The following RAPGEF6 variants were observed in gnomAD, a reference collection of about 807,000 sequenced individuals.
RAPGEF6 encodes PDZ domain containing guanine nucleotide exchange factor (GEF) 2.
RAPGEF6 carries 56 observed loss-of-function variants against 171.4 expected under a neutral mutation model. That is an observed-to-expected ratio of 0.33 (90% CI 0.26 to 0.41). The LOEUF (loss-of-function observed/expected upper bound fraction) is 0.41. RAPGEF6 is among the 10% of genes least tolerant of loss of function. The probability of loss-of-function intolerance (pLI) is 1.00; values close to 1 mark genes in which losing one functional copy is unlikely to be tolerated. For missense variants in RAPGEF6, 1,674 were observed against 1,921.4 expected, an observed-to-expected ratio of 0.87 and a Z score of 2.41; for synonymous variants, 692 against 650.1, an observed-to-expected ratio of 1.06 and a Z score of -0.98.
rs1334116926 is a variant in RAPGEF6, at chr5:131,479,771, A to G, written c.1841-18T>C. The G allele has an allele frequency of 2.3e-5, 36 of 1,599,804 alleles. No individual in the cohort carries two copies. The highest frequency in any genetic ancestry group is 2.8e-5 in the Non-Finnish European group (33 of 1,173,726). On this transcript the variant is annotated intron_variant, in intron 15 of 27. Coordinates refer to ENST00000509018, the MANE Select transcript of RAPGEF6 (RefSeq NM_016340.6). ...TTTGAACACTGTGGAAATAAAACAAATGCGTCATTTTATTTCTTCTCTTCA... is the reference window on the plus strand; with the variant it reads ...TTTGAACACTGTGGAAATAAAACAAGTGCGTCATTTTATTTCTTCTCTTCA...
chr5:131,540,978 C>G (rs911391698), intron 6 of RAPGEF6, among the ~76,000 whole-genome samples: 6 of 152,118 alleles, frequency 3.9e-5, no homozygotes, highest in Non-Finnish European at 8.8e-5. Context: ...AAGACTCCGT[C>G]TCAAAAAAAA....
chr5:131,532,339 G>T, intron 6 of RAPGEF6: 1 of 226,584 alleles, frequency 4.4e-6, no homozygotes, highest in Non-Finnish European at 9.1e-6. Context: ...AAATTAAAAC[G>T]TTCACTTTAA....
chr5:131,551,089 T>A lies in RAPGEF6; in HGVS notation c.352-2899A>T, dbSNP rs576925547. On this transcript the variant is annotated intron_variant, in intron 5 of 27. Coordinates refer to ENST00000509018, the MANE Select transcript of RAPGEF6 (RefSeq NM_016340.6). ...CAAATATATTAGGTCCTTGGAATTA[T>A]GTATAAAGTCCTCAAAAGGTATACA... 3.3e-5 allele frequency among the ~76,000 whole-genome samples: 5 copies of A among 152,360 alleles called. No homozygotes were observed. The South Asian group carries it at 8.3e-4, about 25-fold the overall frequency.
intron 21 of RAPGEF6, chr5:131,450,036 A>C: frequency 6.5e-7 from 1 of 1,543,886 alleles, no homozygotes; most frequent in Non-Finnish European, 8.7e-7. Flanking sequence ...AGACTCCGCC[A>C]CCTCTTCTTC....
chr5:131,459,566 T>C (rs1462298747), intron 19 of RAPGEF6, among the ~76,000 whole-genome samples: 2 of 152,158 alleles, frequency 1.3e-5, no homozygotes, highest in Admixed American at 6.5e-5. Context: ...AATTTCTACA[T>C]GGCAAAAGTA....
intron 1 of RAPGEF6, among the ~76,000 whole-genome samples, chr5:131,608,982 G>A (rs549005544): frequency 1.3e-5 from 2 of 152,256 alleles, no homozygotes; most frequent in South Asian, 2.1e-4. Context: ...GTAGAGACAA[G>A]GTCTTGCTTT....
intron 20 of RAPGEF6, among the ~76,000 whole-genome samples, chr5:131,453,727 AAAGTCC>A (rs2149825032): frequency 6.6e-6 from 1 of 152,332 alleles, no homozygotes; most frequent in South Asian, 2.1e-4. Flanking sequence ...GAGGTCTGTC[AAAGTCC>A]AAGGCCCTGA....
At chr5:131,612,868 A>T (rs1420193034) in intron 1 of RAPGEF6, among the ~76,000 whole-genome samples, 4 of 152,220 alleles carry the variant, frequency 2.6e-5, no homozygotes, top group Admixed American at 1.3e-4. Context: ...AGAAAGAATT[A>T]GAAATTAACT....
intron 3 of RAPGEF6, among the ~76,000 whole-genome samples, chr5:131,596,156 A>T (rs558654830): frequency 1.6e-3 from 34 of 21,494 alleles, no homozygotes; most frequent in Middle Eastern, 0.031. Context: ...TCCATCATAT[A>T]AAAAAAAAAA....
chr5:131,588,067 C>T (rs1763365702), intron 4 of RAPGEF6, among the ~76,000 whole-genome samples: 1 of 151,340 alleles, frequency 6.6e-6, no homozygotes, highest in Non-Finnish European at 1.5e-5. Flanking sequence ...GGATGCTGTT[C>T]CCAGCTTGAC....
chr5:131,564,468 A>G (rs1761802394), intron 4 of RAPGEF6, among the ~76,000 whole-genome samples: 1 of 152,226 alleles, frequency 6.6e-6, no homozygotes, highest in Non-Finnish European at 1.5e-5. Flanking sequence ...TTGCGCAAAT[A>G]CATTTAAAAG....
chr5:131,446,654 C>G lies in RAPGEF6; in HGVS notation c.3250G>C (p.Gly1084Arg). Residue 1084 changes from glycine to arginine, a missense_variant, in exon 22 of 28, where the codon GGT becomes CGT. Physicochemically the swap from Gly to Arg is moderately radical, Grantham distance 125. Transcript: ENST00000509018. ...TNSNMLDVQG[G>R]AHKKRARRSS... The stretch of plus-strand genomic sequence containing the variant: ...CGGCGTGCCCTTTTTTTGTGAGCAC[C>G]TCCCTGAACATCCAGCATGTTTGAA... 1 of 1,614,180 alleles carries G rather than the reference C, an allele frequency of 6.2e-7. No individual in the cohort carries two copies. The highest frequency in any genetic ancestry group is 8.5e-7 in the Non-Finnish European group (1 of 1,179,982).
chr5:131,528,315 A>ATATG (rs1759098669), intron 6 of RAPGEF6, among the ~76,000 whole-genome samples: 1 of 5,936 alleles, frequency 1.7e-4, no homozygotes, highest in African/African-American at 3.5e-4. Context: ...TATTTATATT[A>ATATG]TATATATATA....
rs1017283869 is a variant in RAPGEF6, at chr5:131,426,894, A to T, written c.*372T>A. ...CAATTTCAATTTGTCCTTCAGCCCAAGCTATGGCTTGGAAATAATAATGCC... is the reference window on the plus strand; with the variant it reads ...CAATTTCAATTTGTCCTTCAGCCCATGCTATGGCTTGGAAATAATAATGCC... On this transcript the variant is annotated 3_prime_UTR_variant, in exon 28 of 28. Coordinates refer to ENST00000509018, the MANE Select transcript of RAPGEF6 (RefSeq NM_016340.6). 5.9e-5 allele frequency: 12 copies of T among 201,888 alleles called. No homozygotes were observed. The Admixed American group carries it at 7.3e-4, about 12-fold the overall frequency. 12.5% of individuals were successfully genotyped at this position (201,888 alleles called of 1,614,324 possible).
chr5:131,616,452 A>G (rs1355532675), intron 1 of RAPGEF6, among the ~76,000 whole-genome samples: 1 of 152,154 alleles, frequency 6.6e-6, no homozygotes, highest in Non-Finnish European at 1.5e-5. Flanking sequence ...ATGCCAAGCA[A>G]CTGTGCTGCT....
At chr5:131,530,357 G>A (rs1759291774) in intron 6 of RAPGEF6, among the ~76,000 whole-genome samples, 1 of 151,982 alleles carries the variant, frequency 6.6e-6, no homozygotes, top group South Asian at 2.1e-4. Flanking sequence ...ATAAAGGAAG[G>A]CATTTATGAT....
intron 20 of RAPGEF6, among the ~76,000 whole-genome samples, chr5:131,454,060 GT>G: frequency 6.6e-6 from 1 of 152,252 alleles, no homozygotes; most frequent in Non-Finnish European, 1.5e-5. Flanking sequence ...GCCCCTAGGT[GT>G]ATCTGATTTC....
intron 15 of RAPGEF6, among the ~76,000 whole-genome samples, chr5:131,480,680 T>C (rs1040480526): frequency 2.6e-4 from 39 of 152,100 alleles, no homozygotes; most frequent in African/African-American, 9.4e-4. Context: ...GGTTTCCCCA[T>C]GTTGGCCAGA....
intron 4 of RAPGEF6, among the ~76,000 whole-genome samples, chr5:131,577,693 G>A (rs1170956910): frequency 3.3e-5 from 5 of 152,086 alleles, no homozygotes; most frequent in African/African-American, 7.2e-5. Context: ...ACTGCCGTCC[G>A]CCTGCAGGAC....
Sources: allele counts gnomAD v4.1 joint callset (sites outside exome capture counted in the v4.1 genomes callset), GRCh38; gene constraint gnomAD v4.1.1; transcripts MANE v1.5; gene names NCBI Gene and HGNC (gene_info 2026-07-23, HGNC 2026-07-21).